The following CSMD1 variants were observed in gnomAD, a reference collection of about 807,000 sequenced individuals.
CSMD1 encodes the protein CUB and Sushi multiple domains 1.
In CSMD1, 213 loss-of-function variants were observed where a neutral mutation model predicts 417.5. The ratio of observed to expected loss-of-function variants is 0.51; its 90% CI spans 0.46 to 0.57. CSMD1 has a LOEUF of 0.57. Ranked by LOEUF, CSMD1 falls within the 20% of genes least tolerant of loss-of-function variation. The pLI, the probability that CSMD1 is intolerant of heterozygous loss-of-function variation, is 0.00. For missense variants in CSMD1, 6,923 were observed against 4,529.7 expected, an observed-to-expected ratio of 1.53 and a Z score of -15.17; for synonymous variants, 2,862 against 1,736.8, an observed-to-expected ratio of 1.65 and a Z score of -16.11.
intron 1 of CSMD1, among the ~76,000 whole-genome samples, chr8:4,702,800 A>T (rs1168736294): frequency 6.6e-6 from 1 of 152,190 alleles, no homozygotes; most frequent in Non-Finnish European, 1.5e-5. Context: ...AAAATAAATA[A>T]TAATAGCGGG....
In CSMD1 at chr8:4,696,522, T is replaced by C. The variant is rs369924613; in HGVS notation, c.86-58964A>G. 1.2e-3 allele frequency among the ~76,000 whole-genome samples: 188 copies of C among 152,318 alleles called. 1 individual carries two copies. Among genetic ancestry groups the C allele is most frequent in the African/African-American group, 4.4e-3 (183 of 41,572 alleles). ...GTAGAGGAAAACAGGTCTTAAACATTATCCTACCCTGGAAGCCCCTAATAT... is the reference window on the plus strand; with the variant it reads ...GTAGAGGAAAACAGGTCTTAAACATCATCCTACCCTGGAAGCCCCTAATAT... On this transcript the variant is annotated intron_variant, in intron 1 of 69. Coordinates refer to ENST00000635120, the MANE Select transcript of CSMD1 (RefSeq NM_033225.6).
chr8:3,335,671 G>C (rs532903736), intron 23 of CSMD1, among the ~76,000 whole-genome samples: 14 of 152,084 alleles, frequency 9.2e-5, no homozygotes, highest in Admixed American at 9.2e-4. Context: ...GTGAGACTCC[G>C]ACTCAAGAAA....
intron 1 of CSMD1, among the ~76,000 whole-genome samples, chr8:4,684,838 G>C (rs1400274860): frequency 6.6e-6 from 1 of 152,122 alleles, no homozygotes. Context: ...TCATGTTAAA[G>C]AATATAATAG....
At chr8:4,556,405 G>C (rs1036453358) in intron 2 of CSMD1, among the ~76,000 whole-genome samples, 3 of 152,114 alleles carry the variant, frequency 2.0e-5, no homozygotes, top group Non-Finnish European at 4.4e-5. Context: ...AAGCTGGCAA[G>C]ACTACACGGA....
chr8:4,472,710 G>C (rs1307953535), intron 2 of CSMD1, among the ~76,000 whole-genome samples: 2 of 151,786 alleles, frequency 1.3e-5, no homozygotes, highest in East Asian at 1.9e-4. Flanking sequence ...AGCATATTAG[G>C]TGTAAACAGC....
intron 7 of CSMD1, chr8:3,700,458 G>A (rs181276254): frequency 6.6e-6 from 1 of 152,118 alleles, no homozygotes; most frequent in Non-Finnish European, 1.5e-5. Context: ...AACAGAGCAA[G>A]TAACAGAAGA....
At chr8:4,514,176 T>C (rs1049616208) in intron 2 of CSMD1, among the ~76,000 whole-genome samples, 12 of 152,152 alleles carry the variant, frequency 7.9e-5, no homozygotes, top group Non-Finnish European at 4.4e-5. Context: ...GCTTGCAAAA[T>C]GCCACCTTCT....
chr8:3,055,758 T>C (rs1812172609), intron 49 of CSMD1, among the ~76,000 whole-genome samples: 1 of 152,206 alleles, frequency 6.6e-6, no homozygotes, highest in Non-Finnish European at 1.5e-5. Context: ...CGAATAATCA[T>C]TTATTGATCC....
At chr8:4,284,310 G>GT (rs1796943242) in intron 3 of CSMD1, among the ~76,000 whole-genome samples, 1 of 152,092 alleles carries the variant, frequency 6.6e-6, no homozygotes, top group Non-Finnish European at 1.5e-5. Flanking sequence ...GGAGGTTGCC[G>GT]TGAGCCGAGA....
At chr8:3,116,474 G>A (rs1206086219) in intron 42 of CSMD1, among the ~76,000 whole-genome samples, 3 of 152,102 alleles carry the variant, frequency 2.0e-5, no homozygotes, top group African/African-American at 7.2e-5. Context: ...TTTTAGAGAT[G>A]TCTCTGAGTT....
In CSMD1 at chr8:4,253,757, G is replaced by GAA. The variant is rs34581244; in HGVS notation, c.415+166194_415+166195dup. Among the ~76,000 whole-genome samples, 500 of 144,894 alleles carry GAA rather than the reference G, an allele frequency of 3.5e-3. 1 individual carries two copies. The highest frequency in any genetic ancestry group is 0.012 in the African/African-American group (468 of 39,684). ...TTTCTGGTTGTTCAATTATATACTT[G>GAA]AAAAAAAAAACAGCTGATGAAAATT... On this transcript the variant is annotated intron_variant, in intron 3 of 69. Coordinates refer to ENST00000635120, the MANE Select transcript of CSMD1 (RefSeq NM_033225.6).
intron 22 of CSMD1, among the ~76,000 whole-genome samples, chr8:3,346,489 C>CA (rs1251241107): frequency 1.3e-5 from 2 of 152,200 alleles, no homozygotes; most frequent in Non-Finnish European, 2.9e-5. Context: ...ACCACTTCTT[C>CA]ATGACAGTCC....
chr8:3,018,570 A>G lies in CSMD1; in HGVS notation c.7936T>C (p.Phe2646Leu). The change falls in exon 52 of 70, where the codon TTT (phenylalanine) becomes CTT (leucine). Residue 2646 changes from phenylalanine to leucine, a missense_variant. Phe to Leu is a conservative substitution (Grantham distance 22). Transcript: ENST00000635120. ...AGCGTGTAGCCGGTGTTGCACGTAA[A>G]TATAGCTGTGGCCCCATAAACTGTC... ...TLTVYGATAI[F>L]TCNTGYTLVG... 1 of 1,613,810 alleles carries G rather than the reference A, an allele frequency of 6.2e-7. No homozygotes were observed. The highest frequency in any genetic ancestry group is 8.5e-7 in the Non-Finnish European group (1 of 1,179,852).
intron 10 of CSMD1, among the ~76,000 whole-genome samples, chr8:3,504,384 G>A (rs556313401): frequency 6.6e-6 from 1 of 152,292 alleles, no homozygotes; most frequent in South Asian, 2.1e-4. Context: ...AAATGAGAAT[G>A]ATGCCGATTT....
At chr8:4,789,529 G>T (rs543712190) in intron 1 of CSMD1, among the ~76,000 whole-genome samples, 32 of 152,194 alleles carry the variant, frequency 2.1e-4, no homozygotes, top group Admixed American at 1.8e-3. Flanking sequence ...ATTTTACTGT[G>T]CATCTACCTG....
At chr8:4,695,814 G>A (rs539925522) in intron 1 of CSMD1, among the ~76,000 whole-genome samples, 1 of 152,264 alleles carries the variant, frequency 6.6e-6, no homozygotes, top group South Asian at 2.1e-4. Flanking sequence ...TTTTACCTGG[G>A]CAATTTAATT....
intron 3 of CSMD1, among the ~76,000 whole-genome samples, chr8:4,347,445 C>G (rs138600947): frequency 2.0e-5 from 3 of 152,142 alleles, no homozygotes; most frequent in Non-Finnish European, 2.9e-5. Flanking sequence ...CAAACACACA[C>G]AAGAGCTTAT....
intron 5 of CSMD1, among the ~76,000 whole-genome samples, chr8:3,830,833 T>C (rs1290918259): frequency 3.3e-5 from 5 of 152,222 alleles, no homozygotes; most frequent in African/African-American, 1.2e-4. Flanking sequence ...TATTAAGCTC[T>C]CCTTTCATGC....
chr8:3,867,044 A>T (rs1805152172), intron 5 of CSMD1, among the ~76,000 whole-genome samples: 1 of 152,194 alleles, frequency 6.6e-6, no homozygotes, highest in South Asian at 2.1e-4. Flanking sequence ...CACTTGTAGA[A>T]TTGCTATTTA....
Sources: gnomAD v4.1 joint callset for allele counts (sites outside exome capture counted in the v4.1 genomes callset) on GRCh38, gnomAD v4.1.1 for gene constraint, MANE v1.5 for transcripts, NCBI Gene and HGNC (gene_info 2026-07-23, HGNC 2026-07-21) for gene names.